FUT8: variants seen among roughly 807,000 people sequenced by gnomAD.
FUT8 encodes the protein fucosyltransferase 8.
Under a neutral mutation model 71.3 loss-of-function variants are expected in FUT8, and 29 were observed. That is an observed-to-expected ratio of 0.41 (90% CI 0.30 to 0.55). The LOEUF is 0.55. Among genes scored for constraint, FUT8 ranks in the 20% least tolerant of loss-of-function variants. The pLI is 0.34. For synonymous variants in FUT8, 254 were observed against 239.3 expected, an observed-to-expected ratio of 1.06 and a Z score of -0.57; for missense variants, 544 against 702.1, an observed-to-expected ratio of 0.77 and a Z score of 2.55.
intron 1 of FUT8, among the ~76,000 whole-genome samples, chr14:65,427,726 TAGTTCA>T (rs1246522364): frequency 2.0e-5 from 3 of 152,254 alleles, no homozygotes; most frequent in Non-Finnish European, 2.9e-5. Flanking sequence ...ATAACATTCA[TAGTTCA>T]AGTTCTAGTA....
At chr14:65,532,367 G>C (rs1447437231) in intron 2 of FUT8, among the ~76,000 whole-genome samples, 1 of 152,126 alleles carries the variant, frequency 6.6e-6, no homozygotes, top group Non-Finnish European at 1.5e-5. Flanking sequence ...TTTCTTTAAT[G>C]ATTAGTGATG....
At chr14:65,571,124 C>T (rs1321590917) in intron 3 of FUT8, among the ~76,000 whole-genome samples, 1 of 152,064 alleles carries the variant, frequency 6.6e-6, no homozygotes, top group Admixed American at 6.6e-5. Context: ...TCGTTCATTG[C>T]TCAATTAAAC....
intron 7 of FUT8, among the ~76,000 whole-genome samples, chr14:65,694,440 A>G (rs1479561529): frequency 6.6e-6 from 1 of 152,178 alleles, no homozygotes; most frequent in Non-Finnish European, 1.5e-5. Flanking sequence ...TGCTTCAGCT[A>G]TCTTTTTGTT....
intron 1 of FUT8, among the ~76,000 whole-genome samples, chr14:65,440,940 A>C (rs1483367166): frequency 6.6e-6 from 1 of 152,210 alleles, no homozygotes; most frequent in Non-Finnish European, 1.5e-5. Context: ...TACCTCTGCA[A>C]CAATTTATAA....
At chr14:65,490,447 T>A (rs143488872) in intron 2 of FUT8, among the ~76,000 whole-genome samples, 2 of 152,236 alleles carry the variant, frequency 1.3e-5, no homozygotes, top group East Asian at 3.9e-4. Flanking sequence ...AGGCATCTGC[T>A]CAAACTACTG....
At chr14:65,517,924 G>A (rs1319044612) in intron 2 of FUT8, among the ~76,000 whole-genome samples, 2 of 152,108 alleles carry the variant, frequency 1.3e-5, no homozygotes, top group African/African-American at 2.4e-5. Flanking sequence ...AGAAAACAGA[G>A]TTAGCATGCT....
Position 65,673,747 on chromosome 14 carries a change from G to T in FUT8, c.835+4267G>T, listed in dbSNP as rs183057105. 1.1e-4 allele frequency among the ~76,000 whole-genome samples: 16 copies of T among 152,254 alleles called. No individual in the cohort carries two copies. The East Asian group carries it at 2.9e-3, about 27-fold the overall frequency. On this transcript the variant is annotated intron_variant, in intron 7 of 10. Coordinates refer to ENST00000673929, the MANE Select transcript of FUT8 (RefSeq NM_001371533.1). The stretch of plus-strand genomic sequence containing the variant: ...TCCATTTTGATGGTTGTGTATTCTT[G>T]TTCTTCACTAAAACTGACAGGTTTT...
chr14:65,514,779 A>G (rs1337996783), intron 2 of FUT8, among the ~76,000 whole-genome samples: 1 of 152,108 alleles, frequency 6.6e-6, no homozygotes, highest in East Asian at 1.9e-4. Context: ...ATATGTATAC[A>G]TGTGCCAAGC....
chr14:65,706,609 T>G (rs187249820), intron 7 of FUT8, among the ~76,000 whole-genome samples: 6 of 152,288 alleles, frequency 3.9e-5, no homozygotes, highest in Admixed American at 3.9e-4. Context: ...ATTCAGTGTC[T>G]GATGAGGGCC....
chr14:65,695,981 A>G (rs575898526), intron 7 of FUT8, among the ~76,000 whole-genome samples: 1 of 152,246 alleles, frequency 6.6e-6, no homozygotes. Flanking sequence ...AAATAACTTT[A>G]TATATCCCTT....
Position 65,472,238 on chromosome 14 carries a change from G to C in FUT8, c.-228+16520G>C, listed in dbSNP as rs2066158804. On this transcript the variant is annotated intron_variant, in intron 2 of 10. Transcript: ENST00000673929. This position sits in a 1 kb window ranked among gnomAD's most constrained non-coding sequence, Gnocchi z 4.4. ...GCCAGCTTGTGCACAAAATGAGAGA[G>C]GAGAAAAGGGTGGGAGGAGGGGCCC... Among the ~76,000 whole-genome samples, 1 of 152,114 alleles carries C rather than the reference G, an allele frequency of 6.6e-6. No individual in the cohort carries two copies. The highest frequency in any genetic ancestry group is 1.5e-5 in the Non-Finnish European group (1 of 68,016).
the FUT8 span, among the ~76,000 whole-genome samples, chr14:65,392,720 TA>T: frequency 6.6e-6 from 1 of 152,346 alleles, no homozygotes; most frequent in South Asian, 2.1e-4. Context: ...AAATGTTACT[TA>T]AAATGGCAGT....
At chr14:65,380,209 G>A in the FUT8 span, among the ~76,000 whole-genome samples, 5 of 152,108 alleles carry the variant, frequency 3.3e-5, no homozygotes, top group Admixed American at 6.5e-5. Context: ...ACATGGCAGT[G>A]GCAAGAGAAA....
rs904990576 is a variant in FUT8 at position 65,538,552 on chromosome 14, G to A, written c.-227-22785G>A. On this transcript the variant is annotated intron_variant, in intron 2 of 10. Transcript: ENST00000673929. ...TGAGGACATGAAGCAGTGAATACAGGACCCCAAGCTCTGGCTGGAGTGAGA... is the reference window on the plus strand; with the variant it reads ...TGAGGACATGAAGCAGTGAATACAGAACCCCAAGCTCTGGCTGGAGTGAGA... 1.3e-5 allele frequency among the ~76,000 whole-genome samples: 2 copies of A among 152,248 alleles called. 1 individual carries two copies. Among genetic ancestry groups the A allele is most frequent in the Middle Eastern group, 6.8e-3 (2 of 294 alleles).
intron 2 of FUT8, among the ~76,000 whole-genome samples, chr14:65,536,033 A>T (rs1169789834): frequency 6.6e-6 from 1 of 152,044 alleles, no homozygotes; most frequent in African/African-American, 2.4e-5. Context: ...CCATTATGTC[A>T]TGCCCTTTTT....
intron 7 of FUT8, among the ~76,000 whole-genome samples, chr14:65,676,579 C>T (rs1308491214): frequency 1.3e-5 from 2 of 151,870 alleles, no homozygotes; most frequent in Non-Finnish European, 2.9e-5. Context: ...AGCTAGTAGT[C>T]GGTCCCCTGA....
chr14:65,562,535 G>C (rs563148084), intron 3 of FUT8, among the ~76,000 whole-genome samples: 117 of 152,142 alleles, frequency 7.7e-4, no homozygotes, highest in African/African-American at 2.6e-3. Context: ...ATATTACATA[G>C]GCGATCTCTG....
At chr14:65,435,496 A>G (rs2065541455) in intron 1 of FUT8, among the ~76,000 whole-genome samples, 1 of 152,172 alleles carries the variant, frequency 6.6e-6, no homozygotes, top group East Asian at 1.9e-4. Flanking sequence ...TGGTTAGTTT[A>G]TCCATTTGTC....
intron 1 of FUT8, among the ~76,000 whole-genome samples, chr14:65,440,247 A>G (rs1413373805): frequency 1.3e-5 from 2 of 151,846 alleles, no homozygotes; most frequent in South Asian, 2.1e-4. Flanking sequence ...ACAAAGTTTC[A>G]GGTATTTAGA....
Sources: gnomAD v4.1 joint callset for allele counts (sites outside exome capture counted in the v4.1 genomes callset) on GRCh38, gnomAD v4.1.1 for gene constraint, Gnocchi (gnomAD v3.1) non-coding constraint, MANE v1.5 for transcripts, NCBI Gene and HGNC (gene_info 2026-07-23, HGNC 2026-07-21) for gene names.